The following NCAM2 variants were observed in gnomAD, a reference collection of about 807,000 sequenced individuals.
NCAM2 encodes the protein N-CAM-2.
In NCAM2, 30 loss-of-function variants were observed where a neutral mutation model predicts 98.1. The ratio of observed to expected loss-of-function variants is 0.31; its 90% CI spans 0.23 to 0.41. The LOEUF (loss-of-function observed/expected upper bound fraction) is 0.41, where lower values mean the gene tolerates loss of function less well. Among genes scored for constraint, NCAM2 ranks in the 10% least tolerant of loss-of-function variants. The probability of loss-of-function intolerance (pLI) is 1.00; values close to 1 mark genes in which losing one functional copy is unlikely to be tolerated. For synonymous variants in NCAM2, 368 were observed against 342.4 expected (o/e 1.07, Z -0.83); for missense variants, 867 against 1,005.8 (o/e 0.86, Z 1.87).
intron 15 of NCAM2, among the ~76,000 whole-genome samples, chr21:21,497,239 A>G (rs1438505329): frequency 6.6e-6 from 1 of 152,084 alleles, no homozygotes; most frequent in Non-Finnish European, 1.5e-5. Flanking sequence ...AAAACTACCA[A>G]TCAATCAAGC....
chr21:21,431,727 ATTTATGTATTCTAACG>A (rs2077349537), intron 11 of NCAM2, among the ~76,000 whole-genome samples: 1 of 152,036 alleles, frequency 6.6e-6, no homozygotes, highest in Non-Finnish European at 1.5e-5. Flanking sequence ...TGAATAATTG[ATTTATGTATTCTAACG>A]TTTTAACTAC....
chr21:21,214,746 T>TATATATATATATATATATACACAC (rs11268201), intron 1 of NCAM2, among the ~76,000 whole-genome samples: 3 of 100,602 alleles, frequency 3.0e-5, no homozygotes, highest in South Asian at 7.7e-4. Context: ...TATATATATA[T>TATATATATATATATATATACACAC]ACACTATATA....
At chr21:21,107,754 C>G (rs2066377817) in intron 1 of NCAM2, among the ~76,000 whole-genome samples, 1 of 152,038 alleles carries the variant, frequency 6.6e-6, no homozygotes, top group Non-Finnish European at 1.5e-5. Context: ...TAATCAAATG[C>G]ATTTGTTATT....
intron 1 of NCAM2, among the ~76,000 whole-genome samples, chr21:21,254,979 GTA>G (rs1568839683): frequency 2.3e-5 from 3 of 129,494 alleles, no homozygotes; most frequent in East Asian, 4.5e-4. Flanking sequence ...GTGTGTGTGT[GTA>G]TAATGTTTAT....
chr21:21,079,368 G>C (rs543127298), intron 1 of NCAM2, among the ~76,000 whole-genome samples: 7 of 152,212 alleles, frequency 4.6e-5, no homozygotes, highest in Admixed American at 2.0e-4. Context: ...GAGAAGCTAT[G>C]ACAGAATTTG....
intron 9 of NCAM2, among the ~76,000 whole-genome samples, chr21:21,398,151 G>A (rs71321791): frequency 0.22 from 33,917 of 152,164 alleles, 4,109 homozygotes; most frequent in East Asian, 0.28. Context: ...TCTAAGTGAC[G>A]TAACTCAGGA....
At chr21:21,236,091 C>G (rs2147210173) in intron 1 of NCAM2, among the ~76,000 whole-genome samples, 1 of 151,974 alleles carries the variant, frequency 6.6e-6, no homozygotes, top group South Asian at 2.1e-4. Context: ...TCTCTCTTGG[C>G]CTTGTTTAGT....
At chr21:21,110,163 C>G (rs1382030859) in intron 1 of NCAM2, among the ~76,000 whole-genome samples, 4 of 152,158 alleles carry the variant, frequency 2.6e-5, no homozygotes, top group African/African-American at 9.7e-5. Flanking sequence ...CTTCAGCGTC[C>G]TCATGACAGA....
chr21:21,323,703 G>C (rs1160321075), intron 5 of NCAM2, among the ~76,000 whole-genome samples: 1 of 152,134 alleles, frequency 6.6e-6, no homozygotes, highest in African/African-American at 2.4e-5. Flanking sequence ...AATGTAATTA[G>C]TTAGAAATTG....
intron 1 of NCAM2, among the ~76,000 whole-genome samples, chr21:21,226,075 A>G (rs1184804265): frequency 6.6e-6 from 1 of 152,096 alleles, no homozygotes; most frequent in Admixed American, 6.6e-5. Context: ...CAAATGCTGC[A>G]TGTTCTCACT....
intron 1 of NCAM2, among the ~76,000 whole-genome samples, chr21:21,210,934 G>T (rs1017997290): frequency 8.9e-5 from 13 of 145,802 alleles, no homozygotes; most frequent in African/African-American, 2.9e-4. Flanking sequence ...TTCCATATAG[G>T]AGAAGTACAG....
At chr21:21,264,105 G>C (rs1420131644) in intron 1 of NCAM2, among the ~76,000 whole-genome samples, 3 of 152,002 alleles carry the variant, frequency 2.0e-5, no homozygotes, top group Non-Finnish European at 4.4e-5. Flanking sequence ...TCTGACAAAG[G>C]ATTGATACCC....
At chr21:21,272,928 A>G (rs987930618) in intron 1 of NCAM2, among the ~76,000 whole-genome samples, 2 of 96,164 alleles carry the variant, frequency 2.1e-5, no homozygotes, top group Non-Finnish European at 4.1e-5. Flanking sequence ...TAATAGGGAC[A>G]TGCATTCACA....
chr21:21,359,761 G>T (rs2075596399), intron 8 of NCAM2, among the ~76,000 whole-genome samples: 1 of 151,770 alleles, frequency 6.6e-6, no homozygotes, highest in South Asian at 2.1e-4. Flanking sequence ...TGAAGTAGTC[G>T]ACTACTACAC....
At position 21,185,447 on chromosome 21, in the gene NCAM2, A is replaced by G. The variant is rs1377886275; in HGVS notation, c.56-95131A>G. On this transcript the variant is annotated intron_variant, in intron 1 of 17. Transcript: ENST00000400546. ...GTCTAGCATGACTTTTGAAATTGCA[A>G]TCTTCCTTCTAGAATTATTTCTACT... is the stretch of plus-strand genomic sequence containing the variant. Among the ~76,000 whole-genome samples the G allele has an allele frequency of 6.6e-5, 10 of 152,122 alleles. No individual in the cohort carries two copies. In the East Asian group the frequency reaches 9.6e-4, roughly 15 times the overall value.
At chr21:21,334,116 A>G (rs187003928) in intron 6 of NCAM2, among the ~76,000 whole-genome samples, 3 of 152,144 alleles carry the variant, frequency 2.0e-5, no homozygotes, top group Non-Finnish European at 4.4e-5. Flanking sequence ...TATTTTTAGT[A>G]GAGATGGAGT....
chr21:21,298,869 T>G (rs531629017), intron 5 of NCAM2, among the ~76,000 whole-genome samples: 1 of 151,576 alleles, frequency 6.6e-6, no homozygotes, highest in East Asian at 2.0e-4. Context: ...ATGGCAGAAT[T>G]TTCTCATTGT....
chr21:21,348,612 G>A (rs985094948), intron 8 of NCAM2, among the ~76,000 whole-genome samples: 4 of 115,536 alleles, frequency 3.5e-5, no homozygotes, highest in Non-Finnish European at 1.9e-5. Flanking sequence ...AATTTATATG[G>A]AACACAAAAG....
At chr21:21,529,953 CTG>C (rs1340719723) in intron 16 of NCAM2, among the ~76,000 whole-genome samples, 1 of 150,360 alleles carries the variant, frequency 6.7e-6, no homozygotes, top group African/African-American at 2.4e-5. Flanking sequence ...CTCTCCCTCT[CTG>C]TTGATAAAAC....
Sources: gnomAD v4.1 joint callset for allele counts (sites outside exome capture counted in the v4.1 genomes callset) on GRCh38, gnomAD v4.1.1 for gene constraint, MANE v1.5 for transcripts, NCBI Gene and HGNC (gene_info 2026-07-23, HGNC 2026-07-21) for gene names.